The following DLG2 variants were observed in gnomAD, a reference collection of about 807,000 sequenced individuals.
The protein encoded by DLG2 is discs large MAGUK scaffold protein 2.
Under a neutral mutation model 132.5 loss-of-function variants are expected in DLG2, and 45 were observed. The observed-to-expected ratio is 0.34, with a 90% CI of 0.27 to 0.44. The LOEUF is 0.44. DLG2 is among the 20% of genes least tolerant of loss of function. The pLI, the probability that DLG2 is intolerant of heterozygous loss-of-function variation, is 1.00. For missense variants in DLG2, 1,045 were observed against 1,196.9 expected (o/e 0.87, Z 1.87); for synonymous variants, 424 against 419.6 (o/e 1.01, Z -0.13).
intron 6 of DLG2, among the ~76,000 whole-genome samples, chr11:84,754,286 G>A (rs1029849549): frequency 7.9e-5 from 12 of 152,122 alleles, no homozygotes; most frequent in African/African-American, 2.4e-4. Flanking sequence ...AGGAAGGATC[G>A]GTAGAGATAG....
At chr11:84,996,359 C>G (rs972009726) in intron 6 of DLG2, among the ~76,000 whole-genome samples, 1 of 151,984 alleles carries the variant, frequency 6.6e-6, no homozygotes, top group Non-Finnish European at 1.5e-5. Context: ...TTCCTGTCAT[C>G]TATGTCTCTT....
At chr11:85,450,394 T>C (rs1354690906) in intron 3 of DLG2, among the ~76,000 whole-genome samples, 2 of 152,150 alleles carry the variant, frequency 1.3e-5, no homozygotes, top group Non-Finnish European at 2.9e-5. Flanking sequence ...CTAGGCTTTT[T>C]CTCCTCCACT....
rs144736114 is a variant in DLG2 at position 83,617,450 on chromosome 11, T to A, written c.1940+15761A>T. 5.4e-4 allele frequency among the ~76,000 whole-genome samples: 83 copies of A among 152,342 alleles called. 1 individual carries two copies. The highest frequency in any genetic ancestry group is 1.8e-3 in the African/African-American group (76 of 41,584). On this transcript the variant is annotated intron_variant, in intron 19 of 27. Coordinates refer to ENST00000376104, the MANE Select transcript of DLG2 (RefSeq NM_001142699.3). Reference sequence around the variant, plus strand: ...ATTGTTTAGTATTGTTATATGGAAATACAACTGATTACTTTGATATTAACC... The same window carrying A: ...ATTGTTTAGTATTGTTATATGGAAAAACAACTGATTACTTTGATATTAACC...
intron 7 of DLG2, among the ~76,000 whole-genome samples, chr11:84,361,427 T>G (rs922027858): frequency 3.3e-5 from 5 of 151,980 alleles, no homozygotes; most frequent in Non-Finnish European, 5.9e-5. Flanking sequence ...CAGTGACATC[T>G]TTAAAGTCCT....
chr11:85,344,629 A>C (rs904323602), intron 3 of DLG2, among the ~76,000 whole-genome samples: 26 of 152,276 alleles, frequency 1.7e-4, no homozygotes, highest in Admixed American at 1.6e-3. Flanking sequence ...TATTCTAATA[A>C]GACACTATAC....
intron 7 of DLG2, among the ~76,000 whole-genome samples, chr11:84,470,027 T>C (rs969678395): frequency 6.6e-5 from 10 of 151,732 alleles, no homozygotes; most frequent in South Asian, 2.1e-4. Flanking sequence ...TAGGCAATTA[T>C]AACACAATGG....
rs112732687 is a variant in DLG2, at chr11:84,593,190, G to C, written c.358-58459C>G. On this transcript the variant is annotated intron_variant, in intron 6 of 27. Coordinates refer to ENST00000376104, the MANE Select transcript of DLG2 (RefSeq NM_001142699.3). ...GGAGAAATAGGGACACTTTTACACT[G>C]TTGGTGGCAGTGTAAATTAGTTCAA... 1.5e-3 allele frequency among the ~76,000 whole-genome samples: 227 copies of C among 151,968 alleles called. 1 individual carries two copies. The highest frequency in any genetic ancestry group is 5.3e-3 in the African/African-American group (219 of 41,490).
chr11:84,611,230 T>C (rs1276665764), intron 6 of DLG2, among the ~76,000 whole-genome samples: 1 of 152,164 alleles, frequency 6.6e-6, no homozygotes, highest in Non-Finnish European at 1.5e-5. Context: ...TTTTGGCATA[T>C]AGTTTGAGGT....
chr11:85,403,357 G>A (rs780551132), intron 3 of DLG2, among the ~76,000 whole-genome samples: 7 of 152,052 alleles, frequency 4.6e-5, no homozygotes, highest in Admixed American at 1.3e-4. Context: ...GGGGGCTGGG[G>A]GAGGGATAGC....
At chr11:84,870,583 G>T (rs369174436) in intron 6 of DLG2, among the ~76,000 whole-genome samples, 1 of 152,070 alleles carries the variant, frequency 6.6e-6, no homozygotes, top group African/African-American at 2.4e-5. Flanking sequence ...CAAGTAACTC[G>T]CAATAGCTGT....
intron 6 of DLG2, among the ~76,000 whole-genome samples, chr11:84,606,055 T>C (rs1331826392): frequency 6.6e-6 from 1 of 152,066 alleles, no homozygotes; most frequent in Non-Finnish European, 1.5e-5. Context: ...AGTAGATTGT[T>C]AGCTATACAA....
chr11:83,849,960 G>A (rs1048348383), intron 16 of DLG2, among the ~76,000 whole-genome samples: 1 of 152,028 alleles, frequency 6.6e-6, no homozygotes, highest in Non-Finnish European at 1.5e-5. Flanking sequence ...AAGGGCCTAG[G>A]GTTTCAAGGT....
At chr11:83,803,772 G>A (rs771465065) in intron 17 of DLG2, among the ~76,000 whole-genome samples, 1 of 152,062 alleles carries the variant, frequency 6.6e-6, no homozygotes, top group Non-Finnish European at 1.5e-5. Flanking sequence ...CAATTTTAAA[G>A]GAAGGAATAA....
intron 3 of DLG2, among the ~76,000 whole-genome samples, chr11:85,506,912 G>A (rs1411532295): frequency 6.6e-6 from 1 of 152,154 alleles, no homozygotes; most frequent in African/African-American, 2.4e-5. Context: ...TGTATTGGGT[G>A]CATATATATT....
intron 3 of DLG2, among the ~76,000 whole-genome samples, chr11:85,571,067 G>A (rs114827775): frequency 1.8e-3 from 275 of 151,924 alleles, no homozygotes; most frequent in African/African-American, 6.2e-3. Flanking sequence ...TAAAACAACC[G>A]ATTTAAAATC....
chr11:84,778,889 A>G (rs1372244748), intron 6 of DLG2, among the ~76,000 whole-genome samples: 1 of 152,124 alleles, frequency 6.6e-6, no homozygotes, highest in Non-Finnish European at 1.5e-5. Flanking sequence ...TGACTTGCTG[A>G]GTCTTCCCGC....
At chr11:83,820,995 T>G (rs970537929) in intron 17 of DLG2, among the ~76,000 whole-genome samples, 2 of 152,226 alleles carry the variant, frequency 1.3e-5, no homozygotes, top group African/African-American at 2.4e-5. Context: ...AAAGCTTTCC[T>G]TTCCCATTAG....
At chr11:83,471,748 A>G in intron 23 of DLG2, 21 bp from the exon 24 acceptor site, 1 of 1,598,058 alleles carries the variant, frequency 6.3e-7, no homozygotes, top group South Asian at 1.1e-5. Context: ...GGAAAGGAAG[A>G]TGTAGGTAAA....
At chr11:84,088,299 G>T (rs1418819313) in intron 10 of DLG2, among the ~76,000 whole-genome samples, 1 of 151,014 alleles carries the variant, frequency 6.6e-6, no homozygotes, top group Admixed American at 6.6e-5. Flanking sequence ...ATTAATATTT[G>T]TCTACAGTGT....
Sources: allele counts gnomAD v4.1 joint callset (sites outside exome capture counted in the v4.1 genomes callset), GRCh38; gene constraint gnomAD v4.1.1; transcripts MANE v1.5; gene names NCBI Gene and HGNC (gene_info 2026-07-23, HGNC 2026-07-21).